Variants in CIAPIN1 observed in about 807,000 individuals in gnomAD.
The protein encoded by CIAPIN1 is anamorsin.
Under a neutral mutation model 34.3 loss-of-function variants are expected in CIAPIN1, and 18 were observed. The observed-to-expected ratio is 0.52, with a 90% CI of 0.36 to 0.78. The LOEUF is 0.78. CIAPIN1 is among the 30% of genes least tolerant of loss of function. The pLI is 0.00. For missense variants in CIAPIN1, 310 were observed against 372.5 expected (o/e 0.83, Z 1.38); for synonymous variants, 131 against 140.4 (o/e 0.93, Z 0.47).
intron 1 of CIAPIN1, among the ~76,000 whole-genome samples, chr16:57,446,039 T>G (rs2030049958): frequency 6.6e-6 from 1 of 151,932 alleles, no homozygotes; most frequent in South Asian, 2.1e-4. Flanking sequence ...AGAGATGCGG[T>G]TTCGCCATGT....
At position 57,428,905 on chromosome 16, in the gene CIAPIN1, C is replaced by A; in HGVS notation, c.*265G>T. 1 of 393,236 alleles carries A rather than the reference C, an allele frequency of 2.5e-6. No homozygotes were observed. Among genetic ancestry groups the A allele is most frequent in the Non-Finnish European group, 4.6e-6 (1 of 215,424 alleles). 24.4% of individuals were successfully genotyped at this position (393,236 alleles called of 1,614,324 possible). A position where few individuals can be genotyped will look rare whatever the true frequency, so the allele number is the denominator to read the frequency against. On this transcript the variant is annotated 3_prime_UTR_variant, in exon 9 of 9. Coordinates refer to ENST00000394391, the MANE Select transcript of CIAPIN1 (RefSeq NM_020313.4). The stretch of plus-strand genomic sequence containing the variant: ...TTTAACATCAGAAGAAGGGCTTCTT[C>A]AGGACACACTCCCTTCTCTTAACAT...
chr16:57,429,745 G>A (rs1198554255), intron 8 of CIAPIN1, among the ~76,000 whole-genome samples: 1 of 149,806 alleles, frequency 6.7e-6, no homozygotes, highest in Non-Finnish European at 1.5e-5. Context: ...GCCCTCCTTG[G>A]CCTCCCAAAG....
intron 7 of CIAPIN1, chr16:57,430,543 G>A (rs1903064720): frequency 3.4e-6 from 2 of 583,148 alleles, no homozygotes; most frequent in East Asian, 5.7e-5. Context: ...TACCGTGTGT[G>A]CTCTGTCTAC....
intron 1 of CIAPIN1, among the ~76,000 whole-genome samples, chr16:57,443,482 G>C (rs1462153749): frequency 6.6e-6 from 1 of 152,066 alleles, no homozygotes; most frequent in Non-Finnish European, 1.5e-5. Flanking sequence ...TTTTGAGACA[G>C]AGTCTCACTC....
chr16:57,440,726 T>C (rs1903310449), intron 2 of CIAPIN1, 46 bp downstream of exon 2: 5 of 1,552,662 alleles, frequency 3.2e-6, no homozygotes, highest in Non-Finnish European at 4.4e-6. Context: ...AACACTCCCA[T>C]GGAAACCCCT....
intron 1 of CIAPIN1, among the ~76,000 whole-genome samples, chr16:57,446,818 T>C (rs2030095037): frequency 6.6e-6 from 1 of 152,226 alleles, no homozygotes; most frequent in Non-Finnish European, 1.5e-5. Context: ...CCGATCTGGA[T>C]ACTTAATTAT....
At chr16:57,431,428 C>G in intron 6 of CIAPIN1, 162 bp from the exon 7 acceptor site, 1 of 521,792 alleles carries the variant, frequency 1.9e-6, no homozygotes, top group East Asian at 3.0e-5. Flanking sequence ...ACCACATGCT[C>G]AAGAGGCCAA....
At chr16:57,431,121 A>T (rs1225244521) in intron 7 of CIAPIN1, 30 bp downstream of exon 7, 1 of 1,367,562 alleles carries the variant, frequency 7.3e-7, no homozygotes, top group East Asian at 2.3e-5. Flanking sequence ...TGGAGGCAGC[A>T]TGGCAGGCTC....
Position 57,432,665 on chromosome 16 carries a change from C to A in CIAPIN1, c.557-105G>T, listed in dbSNP as rs1218447431. The A allele has an allele frequency of 2.9e-6, 3 of 1,048,878 alleles. No homozygotes were observed. The Admixed American group carries it at 6.9e-5, about 24-fold the overall frequency. The allele number at this position is 1,048,878 out of a possible 1,614,324, so 65.0% of individuals were successfully genotyped here. A position where few individuals can be genotyped will look rare whatever the true frequency, so the allele number is the denominator to read the frequency against. On this transcript the variant is annotated intron_variant, in intron 5 of 8. Coordinates refer to ENST00000394391, the MANE Select transcript of CIAPIN1 (RefSeq NM_020313.4). The stretch of plus-strand genomic sequence containing the variant: ...GCTGTGTAGAAGAGAACACACTGGC[C>A]TGGGAGGCAGAAGATGTGGGTTCAC...
At chr16:57,435,613 C>G (rs967281302) in intron 4 of CIAPIN1, among the ~76,000 whole-genome samples, 1 of 152,048 alleles carries the variant, frequency 6.6e-6, no homozygotes, top group African/African-American at 2.4e-5. Context: ...GCCAACATAG[C>G]GAAACCCCAT....
At position 57,429,053 on chromosome 16, in the gene CIAPIN1, C is replaced by T. The variant is rs569188131; in HGVS notation, c.*117G>A. 1 of 716,226 alleles carries T rather than the reference C, an allele frequency of 1.4e-6. No individual in the cohort carries two copies. Among genetic ancestry groups the T allele is most frequent in the Non-Finnish European group, 2.5e-6 (1 of 404,428 alleles). 44.4% of individuals were successfully genotyped at this position (716,226 alleles called of 1,614,324 possible). A position where few individuals can be genotyped will look rare whatever the true frequency, so the allele number is the denominator to read the frequency against. ...CTTCACTCTGTCTGCTAAGCACCCA[C>T]TCTGCAAACAGATCTCAGAGTGAAC... On this transcript the variant is annotated 3_prime_UTR_variant, in exon 9 of 9. Transcript: ENST00000394391.
At chr16:57,438,597 T>C (rs1903255106) in intron 3 of CIAPIN1, among the ~76,000 whole-genome samples, 1 of 152,216 alleles carries the variant, frequency 6.6e-6, no homozygotes, top group African/African-American at 2.4e-5. Context: ...GGGGGCTATA[T>C]AGTTCTATGT....
At chr16:57,436,823 A>G (rs1903211372) in intron 3 of CIAPIN1, 91 bp from the exon 4 acceptor site, 1 of 986,032 alleles carries the variant, frequency 1.0e-6, no homozygotes, top group Non-Finnish European at 1.5e-6. Context: ...GCAGGCATTC[A>G]AACAATAATA....
rs562062517 is a variant in CIAPIN1 at position 57,444,356 on chromosome 16, G to C, written c.-56+2986C>G. Among the ~76,000 whole-genome samples, 24 of 152,324 alleles carry C rather than the reference G, an allele frequency of 1.6e-4. No individual in the cohort carries two copies. In the South Asian group the frequency reaches 4.1e-3, roughly 26 times the overall value. ...GGCACTCGGCAGGCTCTGGCACACAGAGCTCTGTAAAGTAATGTTCTAGAA... is the reference window on the plus strand; with the variant it reads ...GGCACTCGGCAGGCTCTGGCACACACAGCTCTGTAAAGTAATGTTCTAGAA... On this transcript the variant is annotated intron_variant, in intron 1 of 8. Coordinates refer to ENST00000394391, the MANE Select transcript of CIAPIN1 (RefSeq NM_020313.4).
chr16:57,436,771 C>A, intron 3 of CIAPIN1, 39 bp from the exon 4 acceptor site: 2 of 1,549,630 alleles, frequency 1.3e-6, no homozygotes, highest in African/African-American at 1.4e-5. Flanking sequence ...CTTTATAGTT[C>A]AAAGTAGGAA....
Position 57,440,847 on chromosome 16 carries a change from G to A in CIAPIN1, c.82C>T (p.Leu28=). Residue 28 remains leucine (L), a synonymous_variant, in exon 2 of 9, where the codon CTG becomes TTG. Coordinates refer to ENST00000394391, the MANE Select transcript of CIAPIN1 (RefSeq NM_020313.4). ...KSSPVEALKG[L]VDKLQALTGN... is the part of the protein sequence containing the mutation. ...GTTAACGCTTGAAGCTTATCCACCA[G>A]ACCTTTCAGAGCCTCCACTGGGGAT... 1 of 1,613,970 alleles carries A rather than the reference G, an allele frequency of 6.2e-7. No individual in the cohort carries two copies. The highest frequency in any genetic ancestry group is 2.2e-5 in the East Asian group (1 of 44,872).
rs1903060615 is a variant in CIAPIN1 at position 57,430,378 on chromosome 16, C to A, written c.747-39G>T. 9 of 1,597,910 alleles carry A rather than the reference C, an allele frequency of 5.6e-6. No homozygotes were observed. The South Asian group carries it at 7.7e-5, about 14-fold the overall frequency. ...AGTAACTAATGAACGAGAATTGTCA[C>A]CACCCAGAAATCCCAAATCCTAACA... On this transcript the variant is annotated intron_variant, in intron 7 of 8. Coordinates refer to ENST00000394391, the MANE Select transcript of CIAPIN1 (RefSeq NM_020313.4).
At chr16:57,437,692 A>AT (rs1185733078) in intron 3 of CIAPIN1, among the ~76,000 whole-genome samples, 2 of 151,602 alleles carry the variant, frequency 1.3e-5, no homozygotes, top group Non-Finnish European at 2.9e-5. Context: ...CACTGGGCTA[A>AT]TTTTTGTATT....
chr16:57,439,378 A>C, intron 2 of CIAPIN1, 44 bp from the exon 3 acceptor site: 6 of 1,610,666 alleles, frequency 3.7e-6, no homozygotes, highest in Non-Finnish European at 5.1e-6. Flanking sequence ...TGAGCCTGGG[A>C]TAATCTCCTG....
Sources: gnomAD v4.1 joint callset for allele counts (sites outside exome capture counted in the v4.1 genomes callset) on GRCh38, gnomAD v4.1.1 for gene constraint, MANE v1.5 for transcripts, NCBI Gene and HGNC (gene_info 2026-07-23, HGNC 2026-07-21) for gene names.